Variants in CSMD1 observed in about 807,000 individuals in gnomAD.
CSMD1 encodes CUB and sushi domain-containing protein 1.
CSMD1 carries 213 observed loss-of-function variants against 417.5 expected under a neutral mutation model. The observed-to-expected ratio is 0.51, with a 90% CI of 0.46 to 0.57. The LOEUF is 0.57. Among genes scored for constraint, CSMD1 ranks in the 20% least tolerant of loss-of-function variants. The probability of loss-of-function intolerance (pLI) is 0.00; values close to 1 mark genes in which losing one functional copy is unlikely to be tolerated. For missense variants in CSMD1, 6,923 were observed against 4,529.7 expected, an observed-to-expected ratio of 1.53 and a Z score of -15.17; for synonymous variants, 2,862 against 1,736.8, an observed-to-expected ratio of 1.65 and a Z score of -16.11.
intron 37 of CSMD1, among the ~76,000 whole-genome samples, chr8:3,180,844 G>A (rs758996232): frequency 2.0e-5 from 3 of 151,846 alleles, no homozygotes; most frequent in Non-Finnish European, 2.9e-5. Flanking sequence ...GGGTTTCTCC[G>A]TGTTGGACAG....
intron 25 of CSMD1, among the ~76,000 whole-genome samples, chr8:3,298,677 C>T (rs58738564): frequency 6.6e-6 from 1 of 152,284 alleles, no homozygotes; most frequent in Admixed American, 6.5e-5. Flanking sequence ...TGGTCTTGAA[C>T]TCCTGATCTC....
At chr8:4,127,564 CCA>C (rs1210735417) in intron 3 of CSMD1, among the ~76,000 whole-genome samples, 1 of 151,752 alleles carries the variant, frequency 6.6e-6, no homozygotes, top group East Asian at 1.9e-4. Flanking sequence ...TCCTTCCTTT[CCA>C]CAGAGGGATT....
chr8:4,135,729 A>G (rs567307111), intron 3 of CSMD1, among the ~76,000 whole-genome samples: 36 of 152,304 alleles, frequency 2.4e-4, no homozygotes, highest in Non-Finnish European at 4.3e-4. Context: ...TCAGTCACCA[A>G]TTTATCATTT....
At chr8:3,880,197 T>A (rs900892190) in intron 5 of CSMD1, among the ~76,000 whole-genome samples, 13 of 152,114 alleles carry the variant, frequency 8.5e-5, no homozygotes, top group Admixed American at 7.9e-4. Context: ...AGAGGAGCAG[T>A]TAGGGAAAAT....
chr8:4,376,019 G>C (rs1269106968), intron 3 of CSMD1, among the ~76,000 whole-genome samples: 2 of 152,102 alleles, frequency 1.3e-5, no homozygotes, highest in African/African-American at 4.8e-5. Context: ...GTCTATGGTG[G>C]AAAATGCCCG....
At chr8:3,164,696 T>G (rs1349839602) in intron 37 of CSMD1, among the ~76,000 whole-genome samples, 6 of 152,128 alleles carry the variant, frequency 3.9e-5, no homozygotes, top group Admixed American at 6.6e-5. Flanking sequence ...TAAGTCATCG[T>G]CATTCTGAGA....
intron 12 of CSMD1, among the ~76,000 whole-genome samples, chr8:3,459,320 C>G (rs1816350924): frequency 6.6e-6 from 1 of 152,172 alleles, no homozygotes; most frequent in Non-Finnish European, 1.5e-5. Context: ...ACCCTGCTGG[C>G]TGACGTGGGG....
At chr8:3,928,157 A>G (rs1465060005) in intron 5 of CSMD1, among the ~76,000 whole-genome samples, 2 of 152,214 alleles carry the variant, frequency 1.3e-5, no homozygotes, top group African/African-American at 4.8e-5. Flanking sequence ...GGACATTTAC[A>G]TTTCAATGAA....
At chr8:4,230,396 A>G (rs1429877115) in intron 3 of CSMD1, among the ~76,000 whole-genome samples, 1 of 152,190 alleles carries the variant, frequency 6.6e-6, no homozygotes, top group Non-Finnish European at 1.5e-5. Context: ...CTAATAAATA[A>G]ATGATCTTGT....
At chr8:3,267,713 G>A (rs771918221) in intron 26 of CSMD1, among the ~76,000 whole-genome samples, 1 of 152,214 alleles carries the variant, frequency 6.6e-6, no homozygotes, top group African/African-American at 2.4e-5. Context: ...GCTGACATCT[G>A]ATGTTTTGGG....
At chr8:3,741,519 A>C (rs1055644368) in intron 6 of CSMD1, among the ~76,000 whole-genome samples, 5 of 152,176 alleles carry the variant, frequency 3.3e-5, no homozygotes, top group Admixed American at 1.3e-4. Context: ...TTTGTTTTAC[A>C]GTTTTTAGTA....
intron 6 of CSMD1, among the ~76,000 whole-genome samples, chr8:3,715,099 G>C (rs1801750024): frequency 6.6e-6 from 1 of 151,802 alleles, no homozygotes; most frequent in African/African-American, 2.4e-5. Context: ...AGATTTTTTT[G>C]TGTTTTACAC....
chr8:4,218,735 T>TA (rs1800841268), intron 3 of CSMD1, among the ~76,000 whole-genome samples: 1 of 152,212 alleles, frequency 6.6e-6, no homozygotes, highest in South Asian at 2.1e-4. Context: ...CTGGTTTCAA[T>TA]ACAAACCTGG....
intron 10 of CSMD1, among the ~76,000 whole-genome samples, chr8:3,571,701 G>A (rs192226879): frequency 5.3e-5 from 8 of 151,920 alleles, no homozygotes; most frequent in African/African-American, 1.9e-4. Flanking sequence ...CATGCTTGAG[G>A]GTCTTGTGTT....
chr8:3,141,988 G>A lies in CSMD1; in HGVS notation c.6241+477C>T, dbSNP rs189341674. 4.1e-3 allele frequency among the ~76,000 whole-genome samples: 621 copies of A among 152,058 alleles called. 5 individuals are homozygous for A. Among genetic ancestry groups the A allele is most frequent in the African/African-American group, 0.014 (591 of 41,486 alleles). ...AATTTTTGGTATTTTTAGTAGAGACGGGGTTTCACCGTGTTAGCCAGGATG... is the reference window on the plus strand; with the variant it reads ...AATTTTTGGTATTTTTAGTAGAGACAGGGTTTCACCGTGTTAGCCAGGATG... On this transcript the variant is annotated intron_variant, in intron 41 of 69. Transcript: ENST00000635120.
chr8:4,798,002 A>C (rs1798071260), intron 1 of CSMD1, among the ~76,000 whole-genome samples: 1 of 152,170 alleles, frequency 6.6e-6, no homozygotes, highest in Non-Finnish European at 1.5e-5. Context: ...TCCAGCCAAA[A>C]TCTCGAAGCA....
intron 51 of CSMD1, among the ~76,000 whole-genome samples, chr8:3,022,164 C>G (rs1234555493): frequency 1.3e-5 from 2 of 149,938 alleles, no homozygotes; most frequent in Non-Finnish European, 3.0e-5. Context: ...CCAACAGCAT[C>G]CGGAATGCAC....
chr8:3,777,293 G>C (rs546953065), intron 5 of CSMD1, among the ~76,000 whole-genome samples: 2 of 152,192 alleles, frequency 1.3e-5, no homozygotes, highest in South Asian at 2.1e-4. Context: ...TCCACAGTCA[G>C]TAAATATTTG....
At chr8:3,924,679 T>C (rs1584974084) in intron 5 of CSMD1, among the ~76,000 whole-genome samples, 1 of 152,312 alleles carries the variant, frequency 6.6e-6, no homozygotes, top group East Asian at 1.9e-4. Context: ...GTGTAATCAT[T>C]GTTCTCTTTA....
Sources: gnomAD v4.1 joint callset for allele counts (sites outside exome capture counted in the v4.1 genomes callset) on GRCh38, gnomAD v4.1.1 for gene constraint, MANE v1.5 for transcripts, NCBI Gene and HGNC (gene_info 2026-07-23, HGNC 2026-07-21) for gene names.